STT3B: variants seen among roughly 807,000 people sequenced by gnomAD.
STT3B encodes the protein dolichyl-diphosphooligosaccharide--protein glycosyltransferase subunit STT3B.
STT3B carries 29 observed loss-of-function variants against 96.8 expected under a neutral mutation model. That is an observed-to-expected ratio of 0.30 (90% CI 0.22 to 0.41). STT3B has a LOEUF of 0.41. STT3B is among the 10% of genes least tolerant of loss of function. The pLI, the probability that STT3B is intolerant of heterozygous loss-of-function variation, is 1.00. For synonymous variants in STT3B, 367 were observed against 360.0 expected (o/e 1.02, Z -0.22); for missense variants, 640 against 1,022.3 (o/e 0.63, Z 5.10).
At chr3:31,606,566 G>T (rs1699059323) in intron 5 of STT3B, among the ~76,000 whole-genome samples, 1 of 152,206 alleles carries the variant, frequency 6.6e-6, no homozygotes, top group African/African-American at 2.4e-5. Flanking sequence ...GCTTGCAGGT[G>T]CACAGAAGTC....
At chr3:31,606,309 G>A (rs568898982) in intron 5 of STT3B, among the ~76,000 whole-genome samples, 1 of 152,314 alleles carries the variant, frequency 6.6e-6, no homozygotes, top group East Asian at 1.9e-4. Context: ...CAAGACAGTG[G>A]GGGAAATGTC....
intron 3 of STT3B, among the ~76,000 whole-genome samples, chr3:31,591,416 A>G (rs888933623): frequency 1.3e-5 from 2 of 151,952 alleles, no homozygotes; most frequent in Non-Finnish European, 2.9e-5. Context: ...CTGCCTTTTT[A>G]TTGGAGTTTT....
chr3:31,580,553 A>G (rs1314118995), intron 3 of STT3B, among the ~76,000 whole-genome samples: 1 of 152,130 alleles, frequency 6.6e-6, no homozygotes, highest in Non-Finnish European at 1.5e-5. Flanking sequence ...GCATTTATTT[A>G]TGTATTTATT....
chr3:31,556,416 C>A (rs1001795521), intron 1 of STT3B, among the ~76,000 whole-genome samples: 1 of 152,086 alleles, frequency 6.6e-6, no homozygotes, highest in Non-Finnish European at 1.5e-5. Context: ...GGATAAATAC[C>A]CAGTAGTGGG....
chr3:31,595,292 G>A (rs1482315427), intron 3 of STT3B, among the ~76,000 whole-genome samples: 3 of 152,176 alleles, frequency 2.0e-5, no homozygotes, highest in East Asian at 1.9e-4. Flanking sequence ...TAAGAGCCAC[G>A]AACTGTGGAT....
chr3:31,621,725 A>C (rs943814452), intron 9 of STT3B, among the ~76,000 whole-genome samples: 7 of 152,142 alleles, frequency 4.6e-5, no homozygotes, highest in African/African-American at 1.7e-4. Flanking sequence ...CTGGCTTTTT[A>C]TAGATTTTAA....
chr3:31,568,792 G>T (rs571895962), intron 1 of STT3B, among the ~76,000 whole-genome samples: 2 of 152,282 alleles, frequency 1.3e-5, no homozygotes, highest in East Asian at 3.9e-4. Context: ...GAAACCAAAT[G>T]TATCAAATGA....
At chr3:31,627,179 T>A (rs1386095535) in intron 13 of STT3B, among the ~76,000 whole-genome samples, 1 of 152,132 alleles carries the variant, frequency 6.6e-6, no homozygotes, top group Non-Finnish European at 1.5e-5. Flanking sequence ...CCAGGCCACA[T>A]AGCAGGAGGT....
chr3:31,541,263 C>T (rs1364892821), intron 1 of STT3B, among the ~76,000 whole-genome samples: 1 of 152,076 alleles, frequency 6.6e-6, no homozygotes, highest in African/African-American at 2.4e-5. Flanking sequence ...GTGACTATTA[C>T]CCAGATCAAG....
intron 1 of STT3B, among the ~76,000 whole-genome samples, chr3:31,556,068 C>T (rs1218286423): frequency 1.3e-5 from 2 of 151,888 alleles, no homozygotes; most frequent in African/African-American, 4.8e-5. Flanking sequence ...ATCCACCATA[C>T]TTTGCCTAGC....
chr3:31,609,601 T>C (rs1395863175), intron 5 of STT3B, among the ~76,000 whole-genome samples: 1 of 152,070 alleles, frequency 6.6e-6, no homozygotes, highest in Admixed American at 6.6e-5. Flanking sequence ...TTGTTTTGTT[T>C]TGTTTTGTTT....
At chr3:31,553,548 C>T (rs187841533) in intron 1 of STT3B, among the ~76,000 whole-genome samples, 139 of 152,054 alleles carry the variant, frequency 9.1e-4, no homozygotes, top group Middle Eastern at 6.8e-3. Flanking sequence ...ATCTGAAATC[C>T]GAGAACAAAC....
At chr3:31,578,722 G>T (rs890594777) in intron 2 of STT3B, among the ~76,000 whole-genome samples, 13 of 151,908 alleles carry the variant, frequency 8.6e-5, no homozygotes, top group African/African-American at 3.1e-4. Context: ...TAGGTATTGA[G>T]CATCCACTTT....
intron 1 of STT3B, among the ~76,000 whole-genome samples, chr3:31,569,817 TGTGA>T (rs1698096680): frequency 6.6e-6 from 1 of 152,116 alleles, no homozygotes; most frequent in African/African-American, 2.4e-5. Context: ...TGAGAGTATG[TGTGA>T]GTGTGTGAAA....
chr3:31,582,652 AT>A (rs1014655584), intron 3 of STT3B, among the ~76,000 whole-genome samples: 36 of 146,210 alleles, frequency 2.5e-4, no homozygotes, highest in Admixed American at 2.7e-4. Flanking sequence ...TTGACTTGAG[AT>A]TTTTTTTTTT....
At chr3:31,615,932 C>T (rs896384647) in intron 6 of STT3B, among the ~76,000 whole-genome samples, 8 of 151,514 alleles carry the variant, frequency 5.3e-5, no homozygotes, top group African/African-American at 1.9e-4. Context: ...TTTGAGAATC[C>T]GTTTTTGCGA....
chr3:31,610,575 C>T (rs1240256200), intron 5 of STT3B, among the ~76,000 whole-genome samples: 1 of 152,150 alleles, frequency 6.6e-6, no homozygotes. Flanking sequence ...TTGAGTCAGA[C>T]TTTTCAGTGC....
chr3:31,571,493 A>C (rs181638764), intron 1 of STT3B, among the ~76,000 whole-genome samples: 6 of 152,170 alleles, frequency 3.9e-5, no homozygotes, highest in Non-Finnish European at 8.8e-5. Context: ...CAGCACATGC[A>C]AAGAAGCCAA....
At chr3:31,537,182 G>A (rs971494172) in intron 1 of STT3B, among the ~76,000 whole-genome samples, 1 of 152,200 alleles carries the variant, frequency 6.6e-6, no homozygotes, top group South Asian at 2.1e-4. Flanking sequence ...GTATAAATTG[G>A]TTAATTAGTA....
Sources: gnomAD v4.1 joint callset for allele counts (sites outside exome capture counted in the v4.1 genomes callset) on GRCh38, gnomAD v4.1.1 for gene constraint, MANE v1.5 for transcripts, NCBI Gene and HGNC (gene_info 2026-07-23, HGNC 2026-07-21) for gene names.